Variants in VDR observed in about 807,000 individuals in gnomAD.
VDR encodes vitamin D receptor, also known as vitamin D3 receptor.
VDR carries 19 observed loss-of-function variants against 39.7 expected under a neutral mutation model. That is an observed-to-expected ratio of 0.48 (90% confidence interval 0.33 to 0.70). The LOEUF (loss-of-function observed/expected upper bound fraction) is 0.70, where lower values mean the gene tolerates loss of function less well. Among genes scored for constraint, VDR ranks in the 30% least tolerant of loss-of-function variants. VDR has a pLI of 0.02. For missense variants in VDR, 442 were observed against 570.5 expected (o/e 0.77, Z 2.29); for synonymous variants, 242 against 215.8 (o/e 1.12, Z -1.07).
intron 1 of VDR, chr12:47,904,462 T>TAAAAAAAAAA (rs17886628): frequency 5.8e-5 from 21 of 360,308 alleles, no homozygotes; most frequent in South Asian, 2.6e-4. Context: ...CAAAGAAAAG[T>TAAAAAAAAAA]AAAAAAAAAA....
At chr12:47,882,451 C>T (rs537868281) in intron 2 of VDR, among the ~76,000 whole-genome samples, 119 of 152,178 alleles carry the variant, frequency 7.8e-4, no homozygotes, top group African/African-American at 2.7e-3. Context: ...ACAGGAGAGC[C>T]CAGCCAGGGT....
At chr12:47,892,066 A>C (rs887580353) in intron 1 of VDR, among the ~76,000 whole-genome samples, 3 of 152,218 alleles carry the variant, frequency 2.0e-5, no homozygotes, top group Non-Finnish European at 4.4e-5. Context: ...GCTCTGGCTC[A>C]GTGGGCCTGG....
intron 3 of VDR, among the ~76,000 whole-genome samples, chr12:47,868,377 C>A (rs11611678): frequency 0.011 from 1,605 of 152,336 alleles, 14 homozygotes; most frequent in Non-Finnish European, 0.017. Flanking sequence ...ATCAGGGGCT[C>A]CTTAGCTCCA....
chr12:47,848,628 G>A (rs1945326711), intron 7 of VDR, among the ~76,000 whole-genome samples: 1 of 124,956 alleles, frequency 8.0e-6, no homozygotes, highest in Admixed American at 1.0e-4. Flanking sequence ...GTGCAGTGGT[G>A]AGATCTTGGC....
intron 4 of VDR, 22 bp from the exon 5 acceptor site, chr12:47,857,710 C>G: frequency 1.2e-6 from 2 of 1,609,402 alleles, no homozygotes; most frequent in Non-Finnish European, 1.7e-6. Flanking sequence ...GAAGGGGAGT[C>G]AGGAGGGCTG....
At chr12:47,887,907 C>T (rs955041474) in intron 1 of VDR, among the ~76,000 whole-genome samples, 8 of 152,230 alleles carry the variant, frequency 5.3e-5, no homozygotes, top group African/African-American at 1.7e-4. Flanking sequence ...TTCATTAACC[C>T]TTTTGGGACT....
intron 7 of VDR, among the ~76,000 whole-genome samples, chr12:47,847,630 T>C (rs1430980757): frequency 1.3e-5 from 2 of 152,094 alleles, no homozygotes; most frequent in Non-Finnish European, 2.9e-5. Flanking sequence ...TGGAGTGCAG[T>C]GTTATGATCA....
chr12:47,886,310 A>G (rs1229617696), intron 1 of VDR, among the ~76,000 whole-genome samples: 1 of 152,220 alleles, frequency 6.6e-6, no homozygotes, highest in African/African-American at 2.4e-5. Flanking sequence ...ACTCTGCCCC[A>G]TCGAGTGCTA....
intron 3 of VDR, among the ~76,000 whole-genome samples, chr12:47,872,263 A>T (rs995768496): frequency 6.6e-6 from 1 of 152,230 alleles, no homozygotes; most frequent in Non-Finnish European, 1.5e-5. Flanking sequence ...TGGGAGCAAC[A>T]TTTCAGAGAG....
At chr12:47,859,923 TTTTCTTTCTTTCTTTC>T (rs778112133) in intron 4 of VDR, among the ~76,000 whole-genome samples, 8 of 50,982 alleles carry the variant, frequency 1.6e-4, no homozygotes, top group East Asian at 1.4e-3. Flanking sequence ...CCTTCTTTCT[TTTTCTTTCTTTCTTTC>T]TTTCTTTCTT....
At position 47,848,308 on chromosome 12, in the gene VDR, G is replaced by A. The variant is rs193244242; in HGVS notation, c.756-1500C>T. Among the ~76,000 whole-genome samples the A allele has an allele frequency of 1.2e-3, 181 of 152,098 alleles. 2 individuals are homozygous for A. Among genetic ancestry groups the A allele is most frequent in the African/African-American group, 3.6e-3 (150 of 41,486 alleles). ...GGCCTCTCAAAGAACCAGGGTTACA[G>A]GTGTGAGCCACTGCACCCAGCCATC... On this transcript the variant is annotated intron_variant, in intron 7 of 9. Transcript: ENST00000549336.
At chr12:47,901,033 C>G (rs1395506094) in intron 1 of VDR, 1 of 154,898 alleles carries the variant, frequency 6.5e-6, no homozygotes, top group African/African-American at 2.4e-5. Flanking sequence ...TCCACTCCTG[C>G]TATTCACCAA....
intron 1 of VDR, among the ~76,000 whole-genome samples, chr12:47,893,625 C>T (rs990823360): frequency 2.6e-5 from 4 of 152,124 alleles, no homozygotes; most frequent in South Asian, 2.1e-4. Context: ...GGTTGATGGG[C>T]GCAGAGAGAG....
intron 1 of VDR, chr12:47,898,875 T>G (rs1946509738): frequency 1.3e-5 from 2 of 154,282 alleles, no homozygotes; most frequent in African/African-American, 4.8e-5. Context: ...AGGAAACAAT[T>G]AACCAAAATT....
chr12:47,904,665 C>G, intron 1 of VDR: 1 of 1,531,374 alleles, frequency 6.5e-7, no homozygotes, highest in South Asian at 1.2e-5. Flanking sequence ...GAAACAAATA[C>G]TTCTTGTTGC....
chr12:47,851,163 A>C (rs997250814), intron 7 of VDR, among the ~76,000 whole-genome samples: 2 of 152,146 alleles, frequency 1.3e-5, no homozygotes, highest in Non-Finnish European at 2.9e-5. Context: ...AGAAGAGGGC[A>C]GGGCTGCAGC....
intron 3 of VDR, among the ~76,000 whole-genome samples, chr12:47,869,535 CAAAAAAAAAA>C (rs33940574): frequency 1.4e-4 from 10 of 68,970 alleles, no homozygotes; most frequent in Non-Finnish European, 2.3e-4. Context: ...GACTCCATCT[CAAAAAAAAAA>C]AAAAAAAAAA....
chr12:47,904,782 C>A, intron 1 of VDR, 173 bp downstream of exon 1: 2 of 711,448 alleles, frequency 2.8e-6, no homozygotes, highest in South Asian at 1.8e-5. Context: ...AACCTCAGTG[C>A]CCCTTAGTGT....
At chr12:47,858,245 T>C (rs557249768) in intron 4 of VDR, among the ~76,000 whole-genome samples, 1 of 152,294 alleles carries the variant, frequency 6.6e-6, no homozygotes, top group South Asian at 2.1e-4. Flanking sequence ...CTGAAGAAGA[T>C]ATCAGGGTGA....
Sources: allele counts gnomAD v4.1 joint callset (sites outside exome capture counted in the v4.1 genomes callset), GRCh38; gene constraint gnomAD v4.1.1; transcripts MANE v1.5; gene names NCBI Gene and HGNC (gene_info 2026-07-23, HGNC 2026-07-21).